The following FER variants were observed in gnomAD, a reference collection of about 807,000 sequenced individuals.
FER encodes tyrosine-protein kinase Fer.
Under a neutral mutation model 111.0 loss-of-function variants are expected in FER, and 63 were observed. The ratio of observed to expected loss-of-function variants is 0.57; its 90% CI spans 0.46 to 0.70. The LOEUF (loss-of-function observed/expected upper bound fraction) is 0.70. Among genes scored for constraint, FER ranks in the 30% least tolerant of loss-of-function variants. The pLI, the probability that FER is intolerant of heterozygous loss-of-function variation, is 0.00. For synonymous variants in FER, 327 were observed against 313.9 expected, an observed-to-expected ratio of 1.04 and a Z score of -0.44; for missense variants, 914 against 954.0, an observed-to-expected ratio of 0.96 and a Z score of 0.55.
chr5:109,010,331 G>A (rs1403258925), intron 13 of FER, among the ~76,000 whole-genome samples: 1 of 151,994 alleles, frequency 6.6e-6, no homozygotes, highest in Non-Finnish European at 1.5e-5. Context: ...CTAATTTTTT[G>A]TATTTTTAGT....
At chr5:108,886,719 T>C (rs1581055147) in intron 9 of FER, among the ~76,000 whole-genome samples, 1 of 151,696 alleles carries the variant, frequency 6.6e-6, no homozygotes, top group African/African-American at 2.4e-5. Flanking sequence ...GCCAAGCTTT[T>C]CAGGGGATGA....
intron 13 of FER, among the ~76,000 whole-genome samples, chr5:109,017,792 T>G (rs1048918766): frequency 1.3e-5 from 2 of 151,910 alleles, no homozygotes; most frequent in Non-Finnish European, 2.9e-5. Context: ...ATGTGAATAC[T>G]TAAATGACCA....
chr5:108,986,720 T>C (rs1762615412), intron 13 of FER, among the ~76,000 whole-genome samples: 1 of 152,216 alleles, frequency 6.6e-6, no homozygotes, highest in African/African-American at 2.4e-5. Flanking sequence ...ACCCACTTTA[T>C]GTTTTTGTTT....
At chr5:109,117,228 T>G (rs1240655823) in intron 17 of FER, among the ~76,000 whole-genome samples, 2 of 152,192 alleles carry the variant, frequency 1.3e-5, no homozygotes, top group Non-Finnish European at 2.9e-5. Context: ...CATTAAATGT[T>G]TAGTCTACTT....
rs181039240 is a variant in FER, at chr5:109,130,056, G to A, written c.2048+29537G>A. On this transcript the variant is annotated intron_variant, in intron 17 of 19. Coordinates refer to ENST00000281092, the MANE Select transcript of FER (RefSeq NM_005246.4). ...AAGGACAATGTATTAATACTTGTGC[G>A]TAGGTTTTTTTTTACATTTATACTT... Among the ~76,000 whole-genome samples, 195 of 128,750 alleles carry A rather than the reference G, an allele frequency of 1.5e-3. 1 individual carries two copies. The highest frequency in any genetic ancestry group is 1.6e-3 in the Non-Finnish European group (91 of 57,014). 84.5% of individuals were successfully genotyped at this position (128,750 alleles called of 152,430 possible). A position where few individuals can be genotyped will look rare whatever the true frequency, so the allele number is the denominator to read the frequency against.
At chr5:108,946,084 T>C (rs1269072230) in intron 10 of FER, 46 bp from the exon 11 acceptor site, 4 of 1,303,626 alleles carry the variant, frequency 3.1e-6, no homozygotes, top group South Asian at 1.2e-5. Context: ...TCTATACATA[T>C]TGGATAGTTT....
chr5:109,051,465 T>C, intron 16 of FER: 1 of 1,613,306 alleles, frequency 6.2e-7, no homozygotes, highest in Non-Finnish European at 8.5e-7. Context: ...CAAAAGGCTG[T>C]GCGTGGGAGT....
At chr5:109,162,008 A>G (rs1343889384) in intron 17 of FER, among the ~76,000 whole-genome samples, 1 of 152,070 alleles carries the variant, frequency 6.6e-6, no homozygotes, top group Non-Finnish European at 1.5e-5. Flanking sequence ...TTCTCTATCA[A>G]TGATGAGTTT....
intron 17 of FER, among the ~76,000 whole-genome samples, chr5:109,123,150 C>T (rs1751211515): frequency 7.2e-6 from 1 of 138,044 alleles, no homozygotes; most frequent in African/African-American, 2.7e-5. Context: ...TCCTTCCTTC[C>T]TGTCTTGTTT....
chr5:108,824,910 C>G (rs13174393), intron 3 of FER, among the ~76,000 whole-genome samples: 3 of 151,390 alleles, frequency 2.0e-5, no homozygotes, highest in East Asian at 3.9e-4. Context: ...GTTGGGCATC[C>G]GGGGGAGACA....
chr5:109,048,255 A>T (rs1772280055), intron 16 of FER, among the ~76,000 whole-genome samples: 1 of 152,132 alleles, frequency 6.6e-6, no homozygotes, highest in Non-Finnish European at 1.5e-5. Context: ...AATATTTCTC[A>T]ATATTACCAT....
chr5:108,978,268 G>A (rs1222071165), intron 13 of FER, among the ~76,000 whole-genome samples: 1 of 152,110 alleles, frequency 6.6e-6, no homozygotes, highest in African/African-American at 2.4e-5. Context: ...CATTGATCAG[G>A]TTGATACATT....
intron 2 of FER, among the ~76,000 whole-genome samples, chr5:108,796,810 C>T (rs543324903): frequency 6.6e-6 from 1 of 152,224 alleles, no homozygotes; most frequent in East Asian, 1.9e-4. Flanking sequence ...GAAGTGCCAC[C>T]TAAGAGGCAA....
intron 13 of FER, among the ~76,000 whole-genome samples, chr5:109,000,881 C>T (rs541289360): frequency 9.1e-4 from 138 of 152,206 alleles, no homozygotes; most frequent in Middle Eastern, 3.4e-3. Flanking sequence ...AACACCTCTA[C>T]GCAAATAAAC....
chr5:109,042,954 T>G (rs1771390237), intron 14 of FER, among the ~76,000 whole-genome samples: 1 of 152,194 alleles, frequency 6.6e-6, no homozygotes, highest in African/African-American at 2.4e-5. Context: ...AATCAAAGTT[T>G]TCTCTAGGAA....
chr5:109,185,633 G>C (rs568092908), intron 18 of FER, among the ~76,000 whole-genome samples: 137 of 151,994 alleles, frequency 9.0e-4, no homozygotes, highest in African/African-American at 3.2e-3. Context: ...ATTTATTCTT[G>C]GGGGGAGGGA....
At chr5:109,112,868 A>T (rs1361509028) in intron 17 of FER, among the ~76,000 whole-genome samples, 3 of 152,136 alleles carry the variant, frequency 2.0e-5, no homozygotes, top group South Asian at 2.1e-4. Context: ...TGATGCTGTT[A>T]GTCTGCATCC....
At chr5:108,990,303 A>G (rs1763017418) in intron 13 of FER, among the ~76,000 whole-genome samples, 1 of 151,886 alleles carries the variant, frequency 6.6e-6, no homozygotes, top group African/African-American at 2.4e-5. Context: ...TAGATATTTA[A>G]TCAAACTTTA....
chr5:108,842,696 C>A (rs1470383670), intron 5 of FER: 1 of 152,066 alleles, frequency 6.6e-6, no homozygotes, highest in African/African-American at 2.4e-5. Context: ...CAATGTGATA[C>A]CTCCTTACTC....
Sources: allele counts gnomAD v4.1 joint callset (sites outside exome capture counted in the v4.1 genomes callset), GRCh38; gene constraint gnomAD v4.1.1; transcripts MANE v1.5; gene names NCBI Gene and HGNC (gene_info 2026-07-23, HGNC 2026-07-21).